The following ADAMTS17 variants were observed in gnomAD, a reference collection of about 807,000 sequenced individuals.
The protein encoded by ADAMTS17 is A disintegrin and metalloproteinase with thrombospondin motifs 17.
In ADAMTS17, 113 loss-of-function variants were observed where a neutral mutation model predicts 141.5. The observed-to-expected ratio is 0.80, with a 90% CI of 0.69 to 0.93. ADAMTS17 has a LOEUF of 0.93. ADAMTS17 is among the 40% of genes least tolerant of loss of function. The pLI is 0.00. For synonymous variants in ADAMTS17, 768 were observed against 630.6 expected, an observed-to-expected ratio of 1.22 and a Z score of -3.27; for missense variants, 1,659 against 1,517.9, an observed-to-expected ratio of 1.09 and a Z score of -1.54.
intron 7 of ADAMTS17, among the ~76,000 whole-genome samples, chr15:100,218,905 G>A (rs1483219513): frequency 6.6e-6 from 1 of 150,436 alleles, no homozygotes; most frequent in Non-Finnish European, 1.5e-5. Context: ...ACACGCACAC[G>A]TCCACCTGAA....
At chr15:100,230,498 G>A (rs1299625922) in intron 7 of ADAMTS17, among the ~76,000 whole-genome samples, 2 of 152,182 alleles carry the variant, frequency 1.3e-5, no homozygotes, top group Non-Finnish European at 2.9e-5. Context: ...GAGAGCAAGG[G>A]GTGGAGGAAA....
chr15:100,312,347 G>C (rs971370113), intron 3 of ADAMTS17, among the ~76,000 whole-genome samples: 1 of 152,170 alleles, frequency 6.6e-6, no homozygotes, highest in Non-Finnish European at 1.5e-5. Flanking sequence ...CATGAGCCAA[G>C]GAATGCAGGC....
chr15:100,087,190 CCAT>C (rs2035162184), intron 15 of ADAMTS17, among the ~76,000 whole-genome samples: 1 of 152,078 alleles, frequency 6.6e-6, no homozygotes, highest in South Asian at 2.1e-4. Context: ...ATACAAACTA[CCAT>C]CATATCTTAT....
intron 7 of ADAMTS17, among the ~76,000 whole-genome samples, chr15:100,224,697 C>G (rs1165040592): frequency 6.6e-6 from 1 of 152,236 alleles, no homozygotes; most frequent in Admixed American, 6.5e-5. Flanking sequence ...ATCTCCCAAG[C>G]AGCCTTACAG....
intron 15 of ADAMTS17, among the ~76,000 whole-genome samples, chr15:100,083,814 G>A (rs949516908): frequency 1.3e-4 from 19 of 151,106 alleles, no homozygotes; most frequent in Admixed American, 9.9e-4. Flanking sequence ...AGAGCAGCTG[G>A]CACTTGGCCC....
At chr15:100,186,732 G>A (rs62036170) in intron 8 of ADAMTS17, among the ~76,000 whole-genome samples, 3 of 152,150 alleles carry the variant, frequency 2.0e-5, no homozygotes, top group Non-Finnish European at 4.4e-5. Flanking sequence ...CCATCAGGAG[G>A]GCTGAGAGTT....
chr15:100,192,828 T>C (rs2040968183), intron 8 of ADAMTS17, among the ~76,000 whole-genome samples: 1 of 152,176 alleles, frequency 6.6e-6, no homozygotes, highest in Admixed American at 6.5e-5. Context: ...TCAACTCCAG[T>C]TATGGGAACA....
At position 99,993,124 on chromosome 15, in the gene ADAMTS17, G is replaced by A. The variant is rs1159296426; in HGVS notation, c.2873C>T (p.Ser958Phe). The A allele has an allele frequency of 6.2e-7, 1 of 1,614,034 alleles. No individual in the cohort carries two copies. The highest frequency in any genetic ancestry group is 8.5e-7 in the Non-Finnish European group (1 of 1,180,050). The change falls in exon 20 of 22, where the codon TCC (serine) becomes TTC (phenylalanine). Residue 958 changes from serine to phenylalanine, a missense_variant. Ser to Phe is a radical substitution (Grantham distance 155). Coordinates refer to ENST00000268070, the MANE Select transcript of ADAMTS17 (RefSeq NM_139057.4). This position sits in a 1 kb window ranked among gnomAD's most constrained non-coding sequence, Gnocchi z 4.3. Reference sequence around the variant, plus strand: ...GGCCTCCTCGGCTCTCGGCCTCGTGGATGCGTCGCATTTCCCTTGTGAGTT... The same window carrying A: ...GGCCTCCTCGGCTCTCGGCCTCGTGAATGCGTCGCATTTCCCTTGTGAGTT... ...CTNSQGKCDA[S>F]TRPRAEEACE...
chr15:100,032,486 C>G (rs1488963920), intron 18 of ADAMTS17, among the ~76,000 whole-genome samples: 1 of 152,102 alleles, frequency 6.6e-6, no homozygotes, highest in Non-Finnish European at 1.5e-5. Flanking sequence ...GTGTTTAATC[C>G]CAGAGCTTTG....
At chr15:100,084,730 C>A (rs977754303) in intron 15 of ADAMTS17, among the ~76,000 whole-genome samples, 1 of 152,204 alleles carries the variant, frequency 6.6e-6, no homozygotes, top group Non-Finnish European at 1.5e-5. Flanking sequence ...CCCAGGCAAA[C>A]AGGGTCTGCA....
At chr15:100,205,078 C>T (rs2041482077) in intron 7 of ADAMTS17, among the ~76,000 whole-genome samples, 1 of 152,168 alleles carries the variant, frequency 6.6e-6, no homozygotes, top group Admixed American at 6.5e-5. Context: ...CTTGGCCTTG[C>T]TCCCTAGGGT....
At chr15:100,067,841 G>A (rs558940080) in intron 15 of ADAMTS17, among the ~76,000 whole-genome samples, 2 of 152,166 alleles carry the variant, frequency 1.3e-5, no homozygotes, top group Non-Finnish European at 2.9e-5. Flanking sequence ...CAGAAGACAG[G>A]TGATTTCTGC....
At chr15:100,038,005 G>A (rs1029612980) in intron 18 of ADAMTS17, among the ~76,000 whole-genome samples, 1 of 152,022 alleles carries the variant, frequency 6.6e-6, no homozygotes, top group Non-Finnish European at 1.5e-5. Flanking sequence ...TGAACTCCTG[G>A]ACTCAAGCAA....
intron 18 of ADAMTS17, among the ~76,000 whole-genome samples, chr15:100,044,821 T>G (rs2031552468): frequency 6.7e-6 from 1 of 149,784 alleles, no homozygotes; most frequent in African/African-American, 2.5e-5. Flanking sequence ...TTTTTTTTTT[T>G]TTTTGAGACG....
At chr15:100,186,016 T>C (rs77440554) in intron 8 of ADAMTS17, among the ~76,000 whole-genome samples, 17,044 of 152,058 alleles carry the variant, frequency 0.11, 1,184 homozygotes, top group East Asian at 0.29. Context: ...GGTCAGTTTG[T>C]TTCATCTCTT....
In ADAMTS17 at chr15:100,254,797, G is replaced by C. The variant is rs555227639; in HGVS notation, c.1032-618C>G. ...CTTGTAAGTGGGAGCTGAATGATGAGAACACATGGACACATGGTGGGGAAC... is the reference window on the plus strand; with the variant it reads ...CTTGTAAGTGGGAGCTGAATGATGACAACACATGGACACATGGTGGGGAAC... On this transcript the variant is annotated intron_variant, in intron 6 of 21. Transcript: ENST00000268070. Among the ~76,000 whole-genome samples, 291 of 152,292 alleles carry C rather than the reference G, an allele frequency of 1.9e-3. 1 individual carries two copies. Among genetic ancestry groups the C allele is most frequent in the African/African-American group, 6.6e-3 (274 of 41,552 alleles).
chr15:100,103,156 G>C (rs2036220585), intron 14 of ADAMTS17, among the ~76,000 whole-genome samples: 1 of 152,156 alleles, frequency 6.6e-6, no homozygotes, highest in African/African-American at 2.4e-5. Flanking sequence ...ACCAGAAGTT[G>C]TCATGGGAGG....
At chr15:100,239,107 G>A (rs529124337) in intron 7 of ADAMTS17, among the ~76,000 whole-genome samples, 23 of 152,292 alleles carry the variant, frequency 1.5e-4, no homozygotes, top group East Asian at 7.7e-4. Context: ...AAAACGAAAT[G>A]TGAGAAAGGA....
chr15:100,234,264 A>G (rs886261499), intron 7 of ADAMTS17, among the ~76,000 whole-genome samples: 1 of 152,208 alleles, frequency 6.6e-6, no homozygotes, highest in Non-Finnish European at 1.5e-5. Context: ...TACTAGAAAG[A>G]GCTAATAAAA....
Sources: allele counts gnomAD v4.1 joint callset (sites outside exome capture counted in the v4.1 genomes callset), GRCh38; gene constraint gnomAD v4.1.1; non-coding constraint Gnocchi (gnomAD v3.1); transcripts MANE v1.5; gene names NCBI Gene and HGNC (gene_info 2026-07-23, HGNC 2026-07-21).